MYO1E: variants seen among roughly 807,000 people sequenced by gnomAD.
MYO1E encodes myosin IE, also known as unconventional myosin-Ie.
In MYO1E, 68 loss-of-function variants were observed where a neutral mutation model predicts 151.1. The ratio of observed to expected loss-of-function variants is 0.45; its 90% CI spans 0.37 to 0.55. The LOEUF (loss-of-function observed/expected upper bound fraction) is 0.55. Among genes scored for constraint, MYO1E ranks in the 20% least tolerant of loss-of-function variants. The probability of loss-of-function intolerance (pLI) is 0.00; values close to 1 mark genes in which losing one functional copy is unlikely to be tolerated. For missense variants in MYO1E, 1,363 were observed against 1,389.3 expected (o/e 0.98, Z 0.30); for synonymous variants, 601 against 501.7 (o/e 1.20, Z -2.64).
intron 1 of MYO1E, among the ~76,000 whole-genome samples, chr15:59,286,093 C>T (rs951726405): frequency 6.6e-6 from 1 of 152,178 alleles, no homozygotes; most frequent in Non-Finnish European, 1.5e-5. Flanking sequence ...GAACTATCAC[C>T]CTGTACCATG....
intron 4 of MYO1E, among the ~76,000 whole-genome samples, chr15:59,240,070 A>AT (rs1278617335): frequency 1.3e-5 from 2 of 152,224 alleles, no homozygotes; most frequent in Admixed American, 6.5e-5. Flanking sequence ...GCCCGTCCTA[A>AT]TTTAATTGAC....
chr15:59,321,020 G>T (rs532262209), intron 1 of MYO1E, among the ~76,000 whole-genome samples: 1 of 152,026 alleles, frequency 6.6e-6, no homozygotes, highest in South Asian at 2.1e-4. Flanking sequence ...TTAAAAAATG[G>T]CCAAAAGACA....
intron 4 of MYO1E, among the ~76,000 whole-genome samples, chr15:59,238,121 G>A (rs904554825): frequency 3.3e-5 from 5 of 152,162 alleles, no homozygotes; most frequent in Non-Finnish European, 7.4e-5. Context: ...CTGGGACGAG[G>A]TGTCACACTC....
intron 4 of MYO1E, among the ~76,000 whole-genome samples, chr15:59,249,127 C>T (rs2080148571): frequency 6.6e-6 from 1 of 151,768 alleles, no homozygotes; most frequent in Non-Finnish European, 1.5e-5. Flanking sequence ...TTATTTCTTT[C>T]AAAATCCACT....
At chr15:59,207,738 T>C in intron 14 of MYO1E, 1 of 1,614,164 alleles carries the variant, frequency 6.2e-7, no homozygotes, top group Non-Finnish European at 8.5e-7. Flanking sequence ...TGAACTCTGA[T>C]ATAGGAACTG....
chr15:59,265,338 G>A (rs1164830466), intron 2 of MYO1E, among the ~76,000 whole-genome samples: 1 of 152,104 alleles, frequency 6.6e-6, no homozygotes. Context: ...CAATCCCTTG[G>A]TTACTCAATA....
intron 1 of MYO1E, among the ~76,000 whole-genome samples, chr15:59,331,405 G>C (rs917078201): frequency 3.9e-5 from 6 of 152,096 alleles, no homozygotes; most frequent in African/African-American, 1.4e-4. Flanking sequence ...ACTGATATGA[G>C]AAATCAGAGG....
intron 1 of MYO1E, among the ~76,000 whole-genome samples, chr15:59,351,380 G>C (rs2080822283): frequency 1.3e-5 from 2 of 152,282 alleles, no homozygotes; most frequent in South Asian, 4.1e-4. Context: ...CACTGTGCTA[G>C]GAGCTAATAG....
At chr15:59,194,121 C>A (rs1428963282) in intron 17 of MYO1E, among the ~76,000 whole-genome samples, 2 of 151,898 alleles carry the variant, frequency 1.3e-5, no homozygotes, top group Admixed American at 1.3e-4. Flanking sequence ...TTGCAGTGAA[C>A]CAAGATCATG....
At chr15:59,266,261 C>G (rs913035362) in intron 2 of MYO1E, among the ~76,000 whole-genome samples, 4 of 152,158 alleles carry the variant, frequency 2.6e-5, no homozygotes, top group Non-Finnish European at 5.9e-5. Context: ...AAAAGCCGTT[C>G]GGATCATTGT....
chr15:59,232,359 T>C (rs1424353906), intron 5 of MYO1E, among the ~76,000 whole-genome samples: 1 of 152,230 alleles, frequency 6.6e-6, no homozygotes, highest in Non-Finnish European at 1.5e-5. Flanking sequence ...TAGGTTGGGG[T>C]AGGCCCAAGA....
At chr15:59,305,832 T>C (rs780766268) in intron 1 of MYO1E, among the ~76,000 whole-genome samples, 11 of 152,044 alleles carry the variant, frequency 7.2e-5, no homozygotes, top group Non-Finnish European at 1.2e-4. Context: ...GTGGAAGGGG[T>C]GTATTCAAGT....
intron 1 of MYO1E, among the ~76,000 whole-genome samples, chr15:59,280,250 G>A (rs538825111): frequency 2.4e-3 from 358 of 152,304 alleles, no homozygotes; most frequent in South Asian, 0.018. Context: ...TCAAAGATAA[G>A]ATGTTGTAAA....
intron 1 of MYO1E, among the ~76,000 whole-genome samples, chr15:59,288,458 T>C (rs1354909821): frequency 9.9e-5 from 15 of 152,202 alleles, no homozygotes; most frequent in Non-Finnish European, 1.9e-4. Flanking sequence ...ATTACAGGTG[T>C]GAGCTGTCAT....
intron 1 of MYO1E, among the ~76,000 whole-genome samples, chr15:59,292,275 G>C (rs555037179): frequency 6.6e-6 from 1 of 152,234 alleles, no homozygotes; most frequent in African/African-American, 2.4e-5. Context: ...CACCCAATGG[G>C]TGTTTCCCTT....
chr15:59,231,236 G>T (rs1452417593), intron 6 of MYO1E, among the ~76,000 whole-genome samples: 1 of 152,230 alleles, frequency 6.6e-6, no homozygotes, highest in Non-Finnish European at 1.5e-5. Context: ...CTGAGGGATG[G>T]AGAGGAGGAA....
At chr15:59,164,188 G>A (rs1046697982) in intron 22 of MYO1E, among the ~76,000 whole-genome samples, 1 of 152,188 alleles carries the variant, frequency 6.6e-6, no homozygotes, top group Non-Finnish European at 1.5e-5. Context: ...CAACATGTAT[G>A]TAATTGAGAA....
At chr15:59,219,489 T>C (rs978105081) in intron 9 of MYO1E, among the ~76,000 whole-genome samples, 7 of 152,238 alleles carry the variant, frequency 4.6e-5, no homozygotes, top group African/African-American at 1.7e-4. Flanking sequence ...TCACAGATGG[T>C]GTTAGAATAT....
chr15:59,179,102 C>T (rs1486676670), intron 18 of MYO1E, among the ~76,000 whole-genome samples: 1 of 152,098 alleles, frequency 6.6e-6, no homozygotes, highest in Non-Finnish European at 1.5e-5. Flanking sequence ...CGAGAATGGC[C>T]TCTTCTTCAT....
Sources: allele counts gnomAD v4.1 joint callset (sites outside exome capture counted in the v4.1 genomes callset), GRCh38; gene constraint gnomAD v4.1.1; transcripts MANE v1.5; gene names NCBI Gene and HGNC (gene_info 2026-07-23, HGNC 2026-07-21).